MGST1: variants seen among roughly 807,000 people sequenced by gnomAD.
MGST1 encodes glutathione S-transferase 12.
In MGST1, 5 loss-of-function variants were observed where a neutral mutation model predicts 8.9. The ratio of observed to expected loss-of-function variants is 0.56; its 90% confidence interval spans 0.29 to 1.19. The LOEUF (loss-of-function observed/expected upper bound fraction) is 1.19, where lower values mean the gene tolerates loss of function less well. Among genes scored for constraint, MGST1 ranks in the 50% most tolerant of loss-of-function variants. The probability of loss-of-function intolerance (pLI) is 0.08; values close to 1 mark genes in which losing one functional copy is unlikely to be tolerated. For synonymous variants in MGST1, 54 were observed against 67.8 expected (o/e 0.80, Z 1.00); for missense variants, 182 against 187.4 (o/e 0.97, Z 0.17).
At chr12:16,551,139 T>C in intron 4 of MGST1, 1 of 883,978 alleles carries the variant, frequency 1.1e-6, no homozygotes. Context: ...AGTAGGTTCC[T>C]GTGTCAATTC....
intron 4 of MGST1, among the ~76,000 whole-genome samples, chr12:16,447,659 A>G (rs980436056): frequency 6.6e-6 from 1 of 151,860 alleles, no homozygotes; most frequent in Non-Finnish European, 1.5e-5. Flanking sequence ...TAAACATTCT[A>G]TACACTTTCC....
At chr12:16,545,447 A>AT (rs543132852) in intron 4 of MGST1, among the ~76,000 whole-genome samples, 15 of 152,090 alleles carry the variant, frequency 9.9e-5, no homozygotes, top group Admixed American at 5.2e-4. Flanking sequence ...AGGGCCTTTA[A>AT]TTTTTTTCAT....
chr12:16,450,463 C>T (rs962805480), intron 4 of MGST1, among the ~76,000 whole-genome samples: 5 of 151,858 alleles, frequency 3.3e-5, no homozygotes, highest in African/African-American at 1.2e-4. Context: ...AAGGAAGAGT[C>T]CTAGGGCTAG....
intron 1 of MGST1, among the ~76,000 whole-genome samples, chr12:16,426,509 A>G (rs996142757): frequency 5.8e-4 from 89 of 152,250 alleles, no homozygotes; most frequent in African/African-American, 2.1e-3. Flanking sequence ...GCATTCATTC[A>G]TTCACTTCCT....
chr12:16,486,310 A>G (rs1305663297), intron 4 of MGST1, among the ~76,000 whole-genome samples: 1 of 152,220 alleles, frequency 6.6e-6, no homozygotes, highest in Non-Finnish European at 1.5e-5. Flanking sequence ...TTTTGCCTGA[A>G]GCACCTAGAA....
At chr12:16,535,814 A>G (rs1941753855) in intron 4 of MGST1, among the ~76,000 whole-genome samples, 1 of 152,198 alleles carries the variant, frequency 6.6e-6, no homozygotes, top group Admixed American at 6.5e-5. Flanking sequence ...TAAATTTTGG[A>G]AAAGAAGACC....
At chr12:16,411,408 T>C (rs1175521381) in intron 1 of MGST1, among the ~76,000 whole-genome samples, 1 of 152,232 alleles carries the variant, frequency 6.6e-6, no homozygotes, top group Non-Finnish European at 1.5e-5. Context: ...ACTTGTGAGA[T>C]AGTCAAAGGA....
At chr12:16,492,707 A>T (rs895862054) in intron 4 of MGST1, among the ~76,000 whole-genome samples, 8 of 152,288 alleles carry the variant, frequency 5.3e-5, no homozygotes, top group African/African-American at 1.9e-4. Flanking sequence ...AGATTTTTTT[A>T]AAAAGGTCAT....
At chr12:16,416,299 TG>T (rs1188837162) in intron 1 of MGST1, among the ~76,000 whole-genome samples, 3 of 152,174 alleles carry the variant, frequency 2.0e-5, no homozygotes, top group Non-Finnish European at 4.4e-5. Context: ...GAAGATAGTT[TG>T]CAAAGTTGGA....
chr12:16,564,272 AATATT>A (rs1210200583), intron 4 of MGST1, among the ~76,000 whole-genome samples: 171 of 152,340 alleles, frequency 1.1e-3, no homozygotes, highest in African/African-American at 3.9e-3. Flanking sequence ...TGCACAGAGA[AATATT>A]TAATAACTTT....
chr12:16,559,470 C>T lies in MGST1; in HGVS notation n.483-30058C>T, dbSNP rs1349769312. Reference sequence around the variant, plus strand: ...GGAAGGTGTTTGTTTGGTTTAAGATCGCACAGCTTATTAGTGGCAGAGCCC... The same window carrying T: ...GGAAGGTGTTTGTTTGGTTTAAGATTGCACAGCTTATTAGTGGCAGAGCCC... On this transcript the variant is annotated intron_variant and non_coding_transcript_variant, in intron 4 of 4. Transcript: ENST00000538857. The surrounding 1 kb of genome is among the most constrained non-coding windows in gnomAD (Gnocchi z 4.1). 6.6e-6 allele frequency among the ~76,000 whole-genome samples: 1 copy of T among 152,142 alleles called. No homozygotes were observed. Among genetic ancestry groups the T allele is most frequent in the East Asian group, 1.9e-4 (1 of 5,190 alleles).
At chr12:16,350,176 G>A (rs1473869131) in intron 1 of MGST1, among the ~76,000 whole-genome samples, 1 of 152,146 alleles carries the variant, frequency 6.6e-6, no homozygotes, top group Non-Finnish European at 1.5e-5. Flanking sequence ...TGGCAGGGTC[G>A]AGATCCACCC....
Position 16,547,716 on chromosome 12 carries a change from A to G in MGST1, n.483-41812A>G, listed in dbSNP as rs886335513. On this transcript the variant is annotated intron_variant and non_coding_transcript_variant, in intron 4 of 4. Coordinates refer to the MGST1 transcript ENST00000538857. The surrounding 1 kb of genome is among the most constrained non-coding windows in gnomAD (Gnocchi z 4.6). The stretch of plus-strand genomic sequence containing the variant: ...TAAAACCACATTTAAAAAATATAAC[A>G]ATGTTTTTAAGAAAAAGTAATGATC... Among the ~76,000 whole-genome samples the G allele has an allele frequency of 2.0e-5, 3 of 152,192 alleles. No homozygotes were observed. The highest frequency in any genetic ancestry group is 7.2e-5 in the African/African-American group (3 of 41,454).
At chr12:16,441,113 T>C (rs1003116964), downstream of MGST1, among the ~76,000 whole-genome samples, 1 of 151,902 alleles carries the variant, frequency 6.6e-6, no homozygotes, top group African/African-American at 2.4e-5. Context: ...TTGACACCTG[T>C]ATAAACTACA....
At chr12:16,528,656 G>A (rs114575056) in intron 4 of MGST1, among the ~76,000 whole-genome samples, 2,780 of 152,112 alleles carry the variant, frequency 0.018, 76 homozygotes, top group Middle Eastern at 0.058. Flanking sequence ...TAAAAGGATG[G>A]TGGAGAGTAT....
chr12:16,380,773 A>G (rs1176144758), downstream of MGST1, among the ~76,000 whole-genome samples: 1 of 152,046 alleles, frequency 6.6e-6, no homozygotes, highest in Non-Finnish European at 1.5e-5. Context: ...ATTGTGTGGG[A>G]GTCTAAGTCT....
chr12:16,495,046 T>C (rs941451993), intron 4 of MGST1, among the ~76,000 whole-genome samples: 2 of 152,310 alleles, frequency 1.3e-5, no homozygotes, highest in East Asian at 1.9e-4. Context: ...TTAGGCAATA[T>C]ACTTTTTGTG....
chr12:16,590,858 A>T (rs1943473086), downstream of MGST1, among the ~76,000 whole-genome samples: 1 of 152,088 alleles, frequency 6.6e-6, no homozygotes, highest in South Asian at 2.1e-4. Context: ...ACGTGACCAA[A>T]TCCAGAAGCC....
At chr12:16,465,929 G>A (rs1352705739) in intron 4 of MGST1, among the ~76,000 whole-genome samples, 6 of 152,072 alleles carry the variant, frequency 3.9e-5, no homozygotes, top group Non-Finnish European at 5.9e-5. Flanking sequence ...ACACCCCTTC[G>A]ACCATTGTCC....
Sources: gnomAD v4.1 joint callset for allele counts (sites outside exome capture counted in the v4.1 genomes callset) on GRCh38, gnomAD v4.1.1 for gene constraint, Gnocchi (gnomAD v3.1) non-coding constraint, MANE v1.5 for transcripts, NCBI Gene and HGNC (gene_info 2026-07-23, HGNC 2026-07-21) for gene names.